The following NTNG2 variants were observed in gnomAD, a reference collection of about 807,000 sequenced individuals.
The protein encoded by NTNG2 is netrin G2, also known as netrin-G2.
Under a neutral mutation model 47.6 loss-of-function variants are expected in NTNG2, and 15 were observed. The observed-to-expected ratio is 0.32, with a 90% CI of 0.21 to 0.49. The LOEUF is 0.49. NTNG2 is among the 20% of genes least tolerant of loss of function. The pLI, the probability that NTNG2 is intolerant of heterozygous loss-of-function variation, is 0.99. For missense variants in NTNG2, 578 were observed against 764.6 expected (o/e 0.76, Z 2.88); for synonymous variants, 307 against 324.6 (o/e 0.95, Z 0.58).
chr9:132,186,657 A>T (rs574252184), intron 2 of NTNG2, among the ~76,000 whole-genome samples: 19 of 152,278 alleles, frequency 1.2e-4, no homozygotes, highest in African/African-American at 4.3e-4. Flanking sequence ...CTCCGAAAGG[A>T]TCTCAGGGTG....
At chr9:132,189,371 G>A (rs1837684127) in intron 2 of NTNG2, among the ~76,000 whole-genome samples, 1 of 151,622 alleles carries the variant, frequency 6.6e-6, no homozygotes, top group Non-Finnish European at 1.5e-5. Context: ...TGTATGCTAG[G>A]TTTAATGGAG....
chr9:132,195,153 T>C (rs1386914763), intron 2 of NTNG2, among the ~76,000 whole-genome samples: 4 of 152,194 alleles, frequency 2.6e-5, no homozygotes, highest in African/African-American at 9.7e-5. Flanking sequence ...TTTAAAGCAG[T>C]TTTAGATTTA....
At chr9:132,193,866 G>A (rs187095057) in intron 2 of NTNG2, among the ~76,000 whole-genome samples, 1 of 152,266 alleles carries the variant, frequency 6.6e-6, no homozygotes, top group East Asian at 1.9e-4. Flanking sequence ...TTGGTTTCTG[G>A]AGAGGCCTCT....
At chr9:132,203,262 C>T (rs976583654) in intron 3 of NTNG2, among the ~76,000 whole-genome samples, 1 of 151,986 alleles carries the variant, frequency 6.6e-6, no homozygotes, top group African/African-American at 2.4e-5. Flanking sequence ...ATTATTTGAG[C>T]CTGGGAGGTT....
At chr9:132,200,981 C>G (rs1331764487) in intron 3 of NTNG2, among the ~76,000 whole-genome samples, 2 of 152,254 alleles carry the variant, frequency 1.3e-5, no homozygotes, top group Admixed American at 6.5e-5. Flanking sequence ...CAGCTCAGGG[C>G]TGGGAACCAG....
At chr9:132,186,176 CCT>C (rs1231212983) in intron 2 of NTNG2, among the ~76,000 whole-genome samples, 1 of 152,162 alleles carries the variant, frequency 6.6e-6, no homozygotes, top group East Asian at 1.9e-4. Flanking sequence ...TAATGAAACC[CCT>C]GTCGCTAGAG....
chr9:132,163,360 G>A lies in NTNG2; in HGVS notation c.-484+1121G>A, dbSNP rs1056615402. On this transcript the variant is annotated intron_variant, in intron 1 of 7. Transcript: ENST00000393229. The surrounding 1 kb of genome is among the most constrained non-coding windows in gnomAD (Gnocchi z 7.2). ...CGCCTCCCGCGCCCAACTTTCCAGGGCTCCCGCGGGCGGGGACCCAGGGGC... is the reference window on the plus strand; with the variant it reads ...CGCCTCCCGCGCCCAACTTTCCAGGACTCCCGCGGGCGGGGACCCAGGGGC... Among the ~76,000 whole-genome samples, 7 of 151,246 alleles carry A rather than the reference G, an allele frequency of 4.6e-5. No individual in the cohort carries two copies. In the East Asian group the frequency reaches 1.4e-3, roughly 30 times the overall value.
At chr9:132,188,848 G>A (rs1279959746) in intron 2 of NTNG2, among the ~76,000 whole-genome samples, 4 of 152,132 alleles carry the variant, frequency 2.6e-5, no homozygotes, top group East Asian at 1.9e-4. Flanking sequence ...GAGGAGGGCC[G>A]GGGGCTGGGG....
chr9:132,230,709 G>A, intron 5 of NTNG2, 114 bp downstream of exon 5: 1 of 1,078,860 alleles, frequency 9.3e-7, no homozygotes, highest in Non-Finnish European at 1.4e-6. Context: ...TGGGACTTGG[G>A]CCTATTCACT....
intron 3 of NTNG2, among the ~76,000 whole-genome samples, chr9:132,209,542 C>T (rs1191578129): frequency 2.6e-5 from 4 of 152,198 alleles, no homozygotes; most frequent in Non-Finnish European, 5.9e-5. Flanking sequence ...GGAGCGGTTC[C>T]TGCAGGGCAG....
intron 2 of NTNG2, among the ~76,000 whole-genome samples, chr9:132,185,825 AGGAGGAGGAGGAGTG>A (rs1180578245): frequency 1.1e-5 from 1 of 88,398 alleles, no homozygotes; most frequent in Non-Finnish European, 2.1e-5. Flanking sequence ...GTGTGCAGGG[AGGAGGAGGAGGAGTG>A]GGAGGAGGAG....
chr9:132,187,861 A>G (rs1837523988), intron 2 of NTNG2, among the ~76,000 whole-genome samples: 1 of 152,184 alleles, frequency 6.6e-6, no homozygotes, highest in African/African-American at 2.4e-5. Context: ...CCTGAGGAAC[A>G]CGCAGAACTT....
In NTNG2 at chr9:132,227,002, C is replaced by G; in HGVS notation, c.1011C>G (p.Pro337=). ...GGGCCGGCTCCTACCTGCCGCTGCC[C>G]CATGGCTCTCCCAACGCCTGTACGT... is the stretch of plus-strand genomic sequence containing the variant. ...SWRAGSYLPL[P]HGSPNACATA... The change falls in exon 4 of 8, where the codon CCC becomes CCG. Residue 337 remains proline (P), a synonymous_variant. Coordinates refer to ENST00000393229, the MANE Select transcript of NTNG2 (RefSeq NM_032536.4). The G allele has an allele frequency of 1.9e-6, 3 of 1,607,814 alleles. No homozygotes were observed. The highest frequency in any genetic ancestry group is 2.5e-6 in the Non-Finnish European group (3 of 1,178,722).
At chr9:132,228,316 G>A (rs1407866889) in intron 4 of NTNG2, among the ~76,000 whole-genome samples, 4 of 152,342 alleles carry the variant, frequency 2.6e-5, no homozygotes, top group Middle Eastern at 3.4e-3. Flanking sequence ...GCAGGCACCC[G>A]ACAGCACTCT....
In NTNG2 at chr9:132,218,358, G is replaced by A. The variant is rs1189289418; in HGVS notation, c.858-8491G>A. ...ATGACATGTCATTCAGGGGATTGCT[G>A]TGAAGGGCTAATGTTCTAATTCGGG... On this transcript the variant is annotated intron_variant, in intron 3 of 7. Coordinates refer to ENST00000393229, the MANE Select transcript of NTNG2 (RefSeq NM_032536.4). This position sits in a 1 kb window ranked among gnomAD's most constrained non-coding sequence, Gnocchi z 5.4. Among the ~76,000 whole-genome samples the A allele has an allele frequency of 6.6e-6, 1 of 152,274 alleles. No homozygotes were observed. The highest frequency in any genetic ancestry group is 2.4e-5 in the African/African-American group (1 of 41,466).
intron 2 of NTNG2, among the ~76,000 whole-genome samples, chr9:132,167,892 G>C (rs1036413377): frequency 2.0e-5 from 3 of 152,228 alleles, no homozygotes; most frequent in African/African-American, 7.2e-5. Context: ...GTATAAAGCA[G>C]GAGCGTCAGG....
chr9:132,240,991 G>C lies in NTNG2; in HGVS notation c.1304G>C (p.Gly435Ala). The C allele has an allele frequency of 6.2e-7, 1 of 1,610,510 alleles. No individual in the cohort carries two copies. The highest frequency in any genetic ancestry group is 1.1e-5 in the South Asian group (1 of 90,986). The change falls in exon 7 of 8, where the codon GGC becomes GCC. Residue 435 changes from glycine to alanine, a missense_variant. Coordinates refer to ENST00000393229, the MANE Select transcript of NTNG2 (RefSeq NM_032536.4). Reference sequence around the variant, plus strand: ...TGCGAGTGCCGCGAGGGCGCGGCGGGCCCCAAGTGCGACGACTGCCTCCCC... The same window carrying C: ...TGCGAGTGCCGCGAGGGCGCGGCGGCCCCCAAGTGCGACGACTGCCTCCCC... ...GFCECREGAA[G>A]PKCDDCLPTH...
chr9:132,212,752 A>G (rs1839684030), intron 3 of NTNG2, among the ~76,000 whole-genome samples: 1 of 152,222 alleles, frequency 6.6e-6, no homozygotes, highest in African/African-American at 2.4e-5. Context: ...ATTAGCTAGA[A>G]GTGCAGTTTG....
intron 3 of NTNG2, among the ~76,000 whole-genome samples, chr9:132,211,178 C>T (rs1839563397): frequency 6.6e-6 from 1 of 152,172 alleles, no homozygotes; most frequent in Non-Finnish European, 1.5e-5. Context: ...GCACCCACTT[C>T]ATGCTTGGGT....
Sources: gnomAD v4.1 joint callset for allele counts (sites outside exome capture counted in the v4.1 genomes callset) on GRCh38, gnomAD v4.1.1 for gene constraint, Gnocchi (gnomAD v3.1) non-coding constraint, MANE v1.5 for transcripts, NCBI Gene and HGNC (gene_info 2026-07-23, HGNC 2026-07-21) for gene names.